Variants in NIPSNAP1 observed in about 807,000 individuals in gnomAD.
NIPSNAP1 encodes the protein protein NipSnap homolog 1.
NIPSNAP1 carries 25 observed loss-of-function variants against 49.2 expected under a neutral mutation model. The ratio of observed to expected loss-of-function variants is 0.51; its 90% CI spans 0.37 to 0.71. The LOEUF (loss-of-function observed/expected upper bound fraction) is 0.71. Ranked by LOEUF, NIPSNAP1 falls within the 30% of genes least tolerant of loss-of-function variation. The pLI, the probability that NIPSNAP1 is intolerant of heterozygous loss-of-function variation, is 0.00. For synonymous variants in NIPSNAP1, 143 were observed against 140.7 expected (o/e 1.02, Z -0.12); for missense variants, 294 against 361.0 (o/e 0.81, Z 1.50).
intron 1 of NIPSNAP1, among the ~76,000 whole-genome samples, chr22:29,578,501 C>T (rs967000931): frequency 2.0e-5 from 3 of 151,212 alleles, no homozygotes; most frequent in African/African-American, 7.4e-5. Flanking sequence ...AGCCCACACT[C>T]CATCCCCACC....
intron 9 of NIPSNAP1, among the ~76,000 whole-genome samples, chr22:29,558,111 C>T (rs1014715768): frequency 2.0e-5 from 3 of 152,090 alleles, no homozygotes; most frequent in Non-Finnish European, 4.4e-5. Flanking sequence ...AAAACAAAAA[C>T]CTTATTCAAA....
chr22:29,576,891 C>G (rs1284524780), intron 1 of NIPSNAP1, among the ~76,000 whole-genome samples: 1 of 149,934 alleles, frequency 6.7e-6, no homozygotes, highest in African/African-American at 2.5e-5. Context: ...CGCCACTGCA[C>G]TCCAGCCTGG....
At chr22:29,561,375 G>A (rs2064334258) in intron 6 of NIPSNAP1, 131 bp downstream of exon 6, 3 of 1,459,836 alleles carry the variant, frequency 2.1e-6, no homozygotes, top group Admixed American at 3.4e-5. Context: ...GCACACATGT[G>A]TATACAACTC....
intron 7 of NIPSNAP1, 35 bp downstream of exon 7, chr22:29,561,136 C>T: frequency 6.3e-7 from 1 of 1,599,636 alleles, no homozygotes; most frequent in Non-Finnish European, 8.6e-7. Context: ...GCAGGGTACG[C>T]CTCCCCCAAC....
At chr22:29,569,549 T>C (rs1445045083) in intron 3 of NIPSNAP1, among the ~76,000 whole-genome samples, 3 of 151,626 alleles carry the variant, frequency 2.0e-5, no homozygotes, top group Admixed American at 2.0e-4. Context: ...GAGACCAGCC[T>C]GGGAAGCAAA....
intron 1 of NIPSNAP1, among the ~76,000 whole-genome samples, chr22:29,573,496 C>T (rs751718350): frequency 1.8e-4 from 28 of 151,900 alleles, no homozygotes; most frequent in Admixed American, 1.2e-3. Context: ...TTGCTGGGTA[C>T]GGTGGCTCAC....
At chr22:29,571,283 A>G (rs1292880395) in intron 1 of NIPSNAP1, among the ~76,000 whole-genome samples, 1 of 152,148 alleles carries the variant, frequency 6.6e-6, no homozygotes, top group African/African-American at 2.4e-5. Flanking sequence ...TCTACAGAGG[A>G]GGAGATGAGC....
At chr22:29,558,140 C>T (rs183424380) in intron 9 of NIPSNAP1, among the ~76,000 whole-genome samples, 1 of 152,240 alleles carries the variant, frequency 6.6e-6, no homozygotes, top group East Asian at 1.9e-4. Context: ...CTGCATGCTT[C>T]CTTTGTGACA....
At chr22:29,577,705 C>A (rs777616785) in intron 1 of NIPSNAP1, among the ~76,000 whole-genome samples, 1 of 150,092 alleles carries the variant, frequency 6.7e-6, no homozygotes, top group Non-Finnish European at 1.5e-5. Context: ...TGAGCCAACG[C>A]ACCCGGCATG....
chr22:29,568,897 G>A (rs2064386713), intron 4 of NIPSNAP1, among the ~76,000 whole-genome samples: 1 of 152,226 alleles, frequency 6.6e-6, no homozygotes. Context: ...GAACTAAAGA[G>A]TGAAACTGTC....
At chr22:29,556,056 C>T (rs1296466566) in intron 9 of NIPSNAP1, 57 bp from the exon 10 acceptor site, 1 of 1,449,634 alleles carries the variant, frequency 6.9e-7, no homozygotes, top group African/African-American at 1.4e-5. Context: ...AACAACCTCC[C>T]CTGGCCCCAC....
intron 1 of NIPSNAP1, among the ~76,000 whole-genome samples, chr22:29,579,250 G>GT (rs916352337): frequency 1.8e-4 from 25 of 142,134 alleles, no homozygotes; most frequent in Non-Finnish European, 2.9e-4. Flanking sequence ...TGTATTTTTA[G>GT]TAGAGACACG....
chr22:29,573,638 C>A (rs141225793), intron 1 of NIPSNAP1, among the ~76,000 whole-genome samples: 3,332 of 152,042 alleles, frequency 0.022, 138 homozygotes, highest in African/African-American at 0.075. Context: ...CGTGGTGGTG[C>A]ATGCCTGTAA....
intron 1 of NIPSNAP1, among the ~76,000 whole-genome samples, chr22:29,578,804 G>A (rs1601499550): frequency 6.6e-6 from 1 of 151,392 alleles, no homozygotes; most frequent in South Asian, 2.1e-4. Context: ...ACTGAGTGAG[G>A]GGCAGCAGGC....
chr22:29,579,154 CCT>C (rs2064477579), intron 1 of NIPSNAP1, among the ~76,000 whole-genome samples: 2 of 150,748 alleles, frequency 1.3e-5, no homozygotes, highest in South Asian at 4.2e-4. Context: ...CTCACTGCAA[CCT>C]CTGTCTCCCG....
At chr22:29,564,903 C>T (rs1048243967) in intron 4 of NIPSNAP1, among the ~76,000 whole-genome samples, 1 of 152,064 alleles carries the variant, frequency 6.6e-6, no homozygotes, top group African/African-American at 2.4e-5. Context: ...AAGTCAGGAT[C>T]AGCCAGGCGC....
At chr22:29,560,607 A>T in intron 8 of NIPSNAP1, 127 bp downstream of exon 8, 1 of 805,444 alleles carries the variant, frequency 1.2e-6, no homozygotes, top group Non-Finnish European at 2.2e-6. Flanking sequence ...GTGACTTTAC[A>T]TCTAAGATAG....
chr22:29,578,228 G>A (rs1277792560), intron 1 of NIPSNAP1, among the ~76,000 whole-genome samples: 1 of 150,610 alleles, frequency 6.6e-6, no homozygotes. Context: ...TAGAGATGGG[G>A]TTTCACCATG....
chr22:29,578,293 C>T (rs2064470389), intron 1 of NIPSNAP1, among the ~76,000 whole-genome samples: 1 of 151,188 alleles, frequency 6.6e-6, no homozygotes, highest in South Asian at 2.1e-4. Flanking sequence ...GCCTCAGCCT[C>T]CTAAAGTGCT....
Sources: gnomAD v4.1 joint callset for allele counts (sites outside exome capture counted in the v4.1 genomes callset) on GRCh38, gnomAD v4.1.1 for gene constraint, MANE v1.5 for transcripts, NCBI Gene and HGNC (gene_info 2026-07-23, HGNC 2026-07-21) for gene names.